The following UTRN variants were observed in gnomAD, a reference collection of about 807,000 sequenced individuals.
UTRN encodes the protein dystrophin-related protein 1.
A neutral mutation model predicts 463.9 loss-of-function variants in UTRN; 283 were observed. The ratio of observed to expected loss-of-function variants is 0.61; its 90% CI spans 0.55 to 0.67. UTRN has a LOEUF of 0.67. UTRN is among the 30% of genes least tolerant of loss of function. UTRN has a pLI of 0.00. For synonymous variants in UTRN, 1,442 were observed against 1,431.5 expected (o/e 1.01, Z -0.17); for missense variants, 3,922 against 4,084.3 (o/e 0.96, Z 1.08).
At chr6:144,621,965 A>T (rs1775425955) in intron 51 of UTRN, among the ~76,000 whole-genome samples, 3 of 148,340 alleles carry the variant, frequency 2.0e-5, no homozygotes, top group South Asian at 2.1e-4. Flanking sequence ...TTTTTTGGTT[A>T]TAATTAGTTT....
intron 50 of UTRN, 73 bp from the exon 51 acceptor site, chr6:144,577,026 T>G: frequency 6.8e-7 from 1 of 1,465,302 alleles, no homozygotes; most frequent in Non-Finnish European, 9.3e-7. Context: ...AGTTTTTTAT[T>G]TAGGGGATGC....
chr6:144,387,087 T>C (rs1196155885), intron 2 of UTRN, among the ~76,000 whole-genome samples: 1 of 152,162 alleles, frequency 6.6e-6, no homozygotes, highest in Non-Finnish European at 1.5e-5. Context: ...TTTGGTGTGA[T>C]CTGTTGGTAG....
At chr6:144,534,189 G>A (rs1000131760) in intron 43 of UTRN, among the ~76,000 whole-genome samples, 1 of 152,172 alleles carries the variant, frequency 6.6e-6, no homozygotes, top group South Asian at 2.1e-4. Flanking sequence ...TTTGGTAAGA[G>A]ACAAATAATA....
At chr6:144,699,280 A>T (rs894810994) in intron 52 of UTRN, among the ~76,000 whole-genome samples, 8 of 152,036 alleles carry the variant, frequency 5.3e-5, no homozygotes, top group Non-Finnish European at 8.8e-5. Context: ...TCTACTAAAA[A>T]TACGAAAATT....
At chr6:144,794,300 G>T (rs1193447072) in intron 63 of UTRN, among the ~76,000 whole-genome samples, 1 of 152,088 alleles carries the variant, frequency 6.6e-6, no homozygotes, top group African/African-American at 2.4e-5. Flanking sequence ...CTTTCCAGCT[G>T]CACTGTTTTA....
At chr6:144,549,522 C>T (rs1798714736) in intron 47 of UTRN, among the ~76,000 whole-genome samples, 1 of 151,998 alleles carries the variant, frequency 6.6e-6, no homozygotes, top group Admixed American at 6.6e-5. Flanking sequence ...TGTTTTTATC[C>T]CCACATTACA....
intron 3 of UTRN, among the ~76,000 whole-genome samples, chr6:144,417,822 T>C (rs945278463): frequency 2.6e-5 from 4 of 152,190 alleles, no homozygotes; most frequent in Non-Finnish European, 4.4e-5. Flanking sequence ...ATGAGATATG[T>C]TCCTGCAGGT....
Position 144,551,588 on chromosome 6 carries a change from T to A in UTRN, c.6928+506T>A, listed in dbSNP as rs79913839. ...AATGAGAGAAAACAACAACAAAAAA[T>A]AAACATACAAAACAATAGCAAACAA... On this transcript the variant is annotated intron_variant, in intron 48 of 74. Transcript: ENST00000367545. Among the ~76,000 whole-genome samples, 582 of 152,236 alleles carry A rather than the reference T, an allele frequency of 3.8e-3. 1 individual carries two copies. The highest frequency in any genetic ancestry group is 0.014 in the African/African-American group (565 of 41,552).
At chr6:144,565,114 T>G (rs1800287202) in intron 50 of UTRN, among the ~76,000 whole-genome samples, 1 of 152,142 alleles carries the variant, frequency 6.6e-6, no homozygotes. Context: ...GATGTTAGAT[T>G]TGCGATATGC....
intron 2 of UTRN, among the ~76,000 whole-genome samples, chr6:144,316,570 A>G (rs1477661750): frequency 6.6e-6 from 1 of 152,246 alleles, no homozygotes; most frequent in Non-Finnish European, 1.5e-5. Context: ...AACTTTTAAA[A>G]TTGTAACCAG....
chr6:144,373,269 A>T (rs1181957596), intron 2 of UTRN, among the ~76,000 whole-genome samples: 1 of 152,226 alleles, frequency 6.6e-6, no homozygotes, highest in African/African-American at 2.4e-5. Flanking sequence ...AACAACCAAA[A>T]TGCCCATCAG....
Position 144,835,872 on chromosome 6 carries a change from A to G in UTRN, c.9758A>G (p.Lys3253Arg). The G allele has an allele frequency of 6.2e-7, 1 of 1,614,164 alleles. No individual in the cohort carries two copies. Among genetic ancestry groups the G allele is most frequent in the Non-Finnish European group, 8.5e-7 (1 of 1,179,990 alleles). Residue 3253 changes from lysine (K) to arginine (R), a missense_variant, in exon 70 of 75, where the codon AAG becomes AGG. Physicochemically the swap from Lys to Arg is conservative, Grantham distance 26 (BLOSUM62 2). Transcript: ENST00000367545. ...SQPQSPAQIL[K>R]SVEREERGEL... ...CCGCAGAGCCCAGCTCAGATCCTGA[A>G]GTCAGTAGAGAGGGAAGAACGTGGA...
At chr6:144,629,663 G>C (rs1261235170) in intron 51 of UTRN, among the ~76,000 whole-genome samples, 1 of 152,154 alleles carries the variant, frequency 6.6e-6, no homozygotes, top group Non-Finnish European at 1.5e-5. Flanking sequence ...GATTGTTCCT[G>C]GTGCTTTTGA....
At chr6:144,308,696 C>T (rs1805971899) in intron 2 of UTRN, among the ~76,000 whole-genome samples, 1 of 152,194 alleles carries the variant, frequency 6.6e-6, no homozygotes, top group Non-Finnish European at 1.5e-5. Flanking sequence ...CAAGGCCACC[C>T]TAACCGTGTA....
intron 18 of UTRN, among the ~76,000 whole-genome samples, chr6:144,451,964 A>G (rs1788364596): frequency 6.6e-6 from 1 of 152,202 alleles, no homozygotes; most frequent in Admixed American, 6.5e-5. Context: ...GCCGCTTTCC[A>G]TGCTTATGTG....
intron 53 of UTRN, among the ~76,000 whole-genome samples, chr6:144,729,495 G>A (rs558423637): frequency 6.6e-6 from 1 of 152,260 alleles, no homozygotes; most frequent in Non-Finnish European, 1.5e-5. Context: ...GGTTGCCAGG[G>A]AACTACACCG....
At chr6:144,293,003 T>C (rs1327183195) in intron 2 of UTRN, among the ~76,000 whole-genome samples, 1 of 152,210 alleles carries the variant, frequency 6.6e-6, no homozygotes, top group Non-Finnish European at 1.5e-5. Context: ...ATGTAGCAAC[T>C]ATTGTGTAGC....
chr6:144,533,373 A>C, intron 43 of UTRN, 113 bp downstream of exon 43: 1 of 1,474,684 alleles, frequency 6.8e-7, no homozygotes, highest in Non-Finnish European at 9.0e-7. Context: ...TAGGAATTTT[A>C]CTGACATTTA....
intron 13 of UTRN, among the ~76,000 whole-genome samples, chr6:144,442,270 C>T (rs1370363798): frequency 6.6e-6 from 1 of 152,164 alleles, no homozygotes; most frequent in African/African-American, 2.4e-5. Context: ...GCACCCAAGT[C>T]ATCTCCTGAA....
Sources: gnomAD v4.1 joint callset for allele counts (sites outside exome capture counted in the v4.1 genomes callset) on GRCh38, gnomAD v4.1.1 for gene constraint, MANE v1.5 for transcripts, NCBI Gene and HGNC (gene_info 2026-07-23, HGNC 2026-07-21) for gene names.